The following SLFN5 variants were observed in gnomAD, a reference collection of about 807,000 sequenced individuals.
The protein encoded by SLFN5 is schlafen family member 5.
SLFN5 carries 34 observed loss-of-function variants against 48.5 expected under a neutral mutation model. The ratio of observed to expected loss-of-function variants is 0.70; its 90% CI spans 0.53 to 0.93. The LOEUF (loss-of-function observed/expected upper bound fraction) is 0.93. SLFN5 is among the 40% of genes least tolerant of loss of function. The probability of loss-of-function intolerance (pLI) is 0.00; values close to 1 mark genes in which losing one functional copy is unlikely to be tolerated. For synonymous variants in SLFN5, 387 were observed against 396.2 expected, an observed-to-expected ratio of 0.98 and a Z score of 0.28; for missense variants, 1,006 against 1,071.3, an observed-to-expected ratio of 0.94 and a Z score of 0.85.
rs1057485555 is a variant in SLFN5 at position 35,255,792 on chromosome 17, T to G, written c.-40-2859T>G. Among the ~76,000 whole-genome samples, 6 of 152,214 alleles carry G rather than the reference T, an allele frequency of 3.9e-5. 1 individual carries two copies. Among genetic ancestry groups the G allele is most frequent in the Admixed American group, 3.9e-4 (6 of 15,280 alleles). The stretch of plus-strand genomic sequence containing the variant: ...ATTCACTCCAGATTAAGAAATACAT[T>G]TCTAGAAGCTAAGAAGCTTCCTGTA... On this transcript the variant is annotated intron_variant, in intron 1 of 4. Coordinates refer to ENST00000299977, the MANE Select transcript of SLFN5 (RefSeq NM_144975.4).
At chr17:35,262,123 G>A (rs960890541) in intron 3 of SLFN5, among the ~76,000 whole-genome samples, 1 of 152,050 alleles carries the variant, frequency 6.6e-6, no homozygotes, top group African/African-American at 2.4e-5. Context: ...GCTCAGGCCT[G>A]TAATCCCAGA....
At chr17:35,263,001 G>A (rs558812665) in intron 3 of SLFN5, among the ~76,000 whole-genome samples, 1 of 152,180 alleles carries the variant, frequency 6.6e-6, no homozygotes, top group African/African-American at 2.4e-5. Flanking sequence ...CATACAGTAC[G>A]TAATCTTGCC....
intron 1 of SLFN5, 149 bp from the exon 2 acceptor site, chr17:35,258,502 A>G (rs1292975086): frequency 3.3e-6 from 2 of 610,344 alleles, no homozygotes; most frequent in African/African-American, 1.8e-5. Flanking sequence ...GGGAGCTACA[A>G]TTCAAGATGA....
intron 3 of SLFN5, among the ~76,000 whole-genome samples, chr17:35,261,844 T>C (rs1335618264): frequency 6.6e-6 from 1 of 151,532 alleles, no homozygotes; most frequent in African/African-American, 2.4e-5. Context: ...CCCAGCTAAT[T>C]TTTTTTGCAT....
chr17:35,269,697 A>G lies in SLFN5; in HGVS notation c.*3809A>G, dbSNP rs560289501. On this transcript the variant is annotated 3_prime_UTR_variant, in exon 5 of 5. Coordinates refer to ENST00000299977, the MANE Select transcript of SLFN5 (RefSeq NM_144975.4). ...AGAGTTGCACTTATTTAGTTTGCAT[A>G]CCGTACTCAACTCTTAGCTAGCATA... The G allele has an allele frequency of 4.1e-4, 62 of 152,286 alleles. No individual in the cohort carries two copies. The highest frequency in any genetic ancestry group is 3.4e-3 in the Middle Eastern group (1 of 294). 9.4% of individuals were successfully genotyped at this position (152,286 alleles called of 1,614,324 possible).
chr17:35,263,793 C>A (rs1904589360), intron 3 of SLFN5, among the ~76,000 whole-genome samples: 1 of 115,058 alleles, frequency 8.7e-6, no homozygotes, highest in South Asian at 2.6e-4. Flanking sequence ...ACTGGTGCGA[C>A]AGAGCAAGAC....
In SLFN5 at chr17:35,265,860, A is replaced by T; in HGVS notation, c.2648A>T (p.His883Leu). 1 of 1,610,974 alleles carries T rather than the reference A, an allele frequency of 6.2e-7. No homozygotes were observed. Among genetic ancestry groups the T allele is most frequent in the South Asian group, 1.1e-5 (1 of 90,568 alleles). ...LLCLASRAKR[H>L]LYILKASV ...TGTTTGGCTTCTAGGGCAAAAAGAC[A>T]TCTGTATATTCTGAAGGCTTCTGTG... Residue 883 changes from histidine to leucine, a missense_variant, in exon 5 of 5, where the codon CAT becomes CTT. Coordinates refer to ENST00000299977, the MANE Select transcript of SLFN5 (RefSeq NM_144975.4).
chr17:35,271,615 G>T lies in SLFN5; in HGVS notation c.*5727G>T, dbSNP rs747042561. 5 of 152,138 alleles carry T rather than the reference G, an allele frequency of 3.3e-5. No individual in the cohort carries two copies. Among genetic ancestry groups the T allele is most frequent in the Admixed American group, 2.6e-4 (4 of 15,282 alleles). The allele number at this position is 152,138 out of a possible 1,614,324, so 9.4% of individuals were successfully genotyped here. On this transcript the variant is annotated 3_prime_UTR_variant, in exon 5 of 5. Coordinates refer to ENST00000299977, the MANE Select transcript of SLFN5 (RefSeq NM_144975.4). ...CTTAAACAGATAAAAAGCAGACCACGTTTTTGGATAAGAAGATTAAAAATT... is the reference window on the plus strand; with the variant it reads ...CTTAAACAGATAAAAAGCAGACCACTTTTTTGGATAAGAAGATTAAAAATT...
intron 1 of SLFN5, among the ~76,000 whole-genome samples, chr17:35,245,589 A>T (rs1277236813): frequency 6.6e-6 from 1 of 151,872 alleles, no homozygotes; most frequent in East Asian, 1.9e-4. Flanking sequence ...TATGATATAC[A>T]CTCTTTTATG....
chr17:35,266,170 GT>G lies in SLFN5; in HGVS notation c.*283del. 1 of 278,162 alleles carries G rather than the reference GT, an allele frequency of 3.6e-6. No homozygotes were observed. Among genetic ancestry groups the G allele is most frequent in the East Asian group, 6.2e-5 (1 of 16,084 alleles). 17.2% of individuals were successfully genotyped at this position (278,162 alleles called of 1,614,324 possible). A position where few individuals can be genotyped will look rare whatever the true frequency, so the allele number is the denominator to read the frequency against. On this transcript the variant is annotated 3_prime_UTR_variant, in exon 5 of 5. Coordinates refer to ENST00000299977, the MANE Select transcript of SLFN5 (RefSeq NM_144975.4). ...TGTGTGTGTGTGTGTGTGTGTGTGT[GT>G]GTGTGTGCGCGCGCGCACGTGCACA...
intron 1 of SLFN5, among the ~76,000 whole-genome samples, chr17:35,244,040 T>A (rs905383483): frequency 3.9e-5 from 6 of 152,172 alleles, no homozygotes; most frequent in African/African-American, 1.4e-4. Flanking sequence ...ACCACCAGAC[T>A]TCTGGGCGTC....
intron 3 of SLFN5, 36 bp from the exon 4 acceptor site, chr17:35,264,147 G>C (rs1318169908): frequency 6.5e-7 from 1 of 1,534,038 alleles, no homozygotes; most frequent in East Asian, 2.2e-5. Flanking sequence ...CTTGTCTGAG[G>C]CTTTTCTAAT....
At position 35,258,758 on chromosome 17, in the gene SLFN5, T is replaced by C. The variant is rs766920369; in HGVS notation, c.68T>C (p.Leu23Pro). The C allele has an allele frequency of 9.3e-6, 15 of 1,614,000 alleles. No homozygotes were observed. Among genetic ancestry groups the C allele is most frequent in the Non-Finnish European group, 1.3e-5 (15 of 1,180,030 alleles). ...ECVVDAGKVT[L>P]GTQQRQEMDP... is the part of the protein sequence containing the mutation. ...GTTGTAGATGCAGGAAAAGTCACCCTTGGGACTCAGCAGAGGCAGGAGATG... is the reference window on the plus strand; with the variant it reads ...GTTGTAGATGCAGGAAAAGTCACCCCTGGGACTCAGCAGAGGCAGGAGATG... Residue 23 changes from leucine to proline, a missense_variant, in exon 2 of 5, where the codon CTT (leucine) becomes CCT (proline). Coordinates refer to ENST00000299977, the MANE Select transcript of SLFN5 (RefSeq NM_144975.4).
At chr17:35,251,742 C>G (rs1567788793) in intron 1 of SLFN5, among the ~76,000 whole-genome samples, 1 of 111,886 alleles carries the variant, frequency 8.9e-6, no homozygotes, top group Admixed American at 1.2e-4. Context: ...AAGACAGAGT[C>G]TTGTTCTGTC....
chr17:35,254,235 A>G (rs557072162), intron 1 of SLFN5, among the ~76,000 whole-genome samples: 13 of 152,204 alleles, frequency 8.5e-5, no homozygotes, highest in African/African-American at 2.9e-4. Context: ...CCTATGACCA[A>G]TTCATCCCCT....
At position 35,268,142 on chromosome 17, in the gene SLFN5, T is replaced by C. The variant is rs1904747681; in HGVS notation, c.*2254T>C. On this transcript the variant is annotated 3_prime_UTR_variant, in exon 5 of 5. Coordinates refer to ENST00000299977, the MANE Select transcript of SLFN5 (RefSeq NM_144975.4). ...CATCTCACACCAGATCATATCAGGC[T>C]ACACAAAAGTAGATGGAAGACACCA... 1 of 152,216 alleles carries C rather than the reference T, an allele frequency of 6.6e-6. No individual in the cohort carries two copies. Among genetic ancestry groups the C allele is most frequent in the South Asian group, 2.1e-4 (1 of 4,838 alleles). The allele number at this position is 152,216 out of a possible 1,614,324, so 9.4% of individuals were successfully genotyped here.
intron 3 of SLFN5, among the ~76,000 whole-genome samples, 179 bp downstream of exon 3, chr17:35,261,275 G>GGAAA (rs953914431): frequency 6.6e-6 from 1 of 152,016 alleles, no homozygotes; most frequent in African/African-American, 2.4e-5. Context: ...CATTGGGGTA[G>GGAAA]GAAAGCATTT....
chr17:35,253,853 T>A (rs9908384), intron 1 of SLFN5, among the ~76,000 whole-genome samples: 93,848 of 151,696 alleles, frequency 0.62, 29,228 homozygotes, highest in Middle Eastern at 0.77. Context: ...GCATGCCACC[T>A]TGCCTGGCTA....
At chr17:35,256,841 C>G (rs961775683) in intron 1 of SLFN5, among the ~76,000 whole-genome samples, 8 of 152,138 alleles carry the variant, frequency 5.3e-5, no homozygotes, top group African/African-American at 1.9e-4. Context: ...CCAGGGGTCC[C>G]CCTGGCCCTG....
Sources: allele counts gnomAD v4.1 joint callset (sites outside exome capture counted in the v4.1 genomes callset), GRCh38; gene constraint gnomAD v4.1.1; transcripts MANE v1.5; gene names NCBI Gene and HGNC (gene_info 2026-07-23, HGNC 2026-07-21).